The following PCDH11X variants were observed in gnomAD, a reference collection of about 807,000 sequenced individuals.
PCDH11X encodes the protein protocadherin 11 X-linked, also known as protocadherin-11 X-linked.
Under a neutral mutation model 53.3 loss-of-function variants are expected in PCDH11X, and 18 were observed. The ratio of observed to expected loss-of-function variants is 0.34; its 90% confidence interval spans 0.23 to 0.50. PCDH11X has a LOEUF of 0.50. Among genes scored for constraint, PCDH11X ranks in the 20% least tolerant of loss-of-function variants. The pLI is 0.98. For missense variants in PCDH11X, 570 were observed against 1,032.4 expected (o/e 0.55, Z 6.14); for synonymous variants, 279 against 393.3 (o/e 0.71, Z 3.44).
chrX:92,586,848 A>G (rs2148793190), intron 10 of PCDH11X, among the ~76,000 whole-genome samples: 1 of 111,677 alleles, frequency 9.0e-6, no homozygotes, highest in Admixed American at 9.5e-5. Context: ...TTGATTGAAT[A>G]TTTCAAATAA....
At chrX:91,889,248 T>C (rs952764569) in intron 6 of PCDH11X, among the ~76,000 whole-genome samples, 1 of 111,800 alleles carries the variant, frequency 8.9e-6, no homozygotes, top group Non-Finnish European at 1.9e-5. Context: ...TTCAAAACTA[T>C]GAATTGAGTG....
intron 5 of PCDH11X, among the ~76,000 whole-genome samples, chrX:91,864,882 T>C (rs2147697914): frequency 9.0e-6 from 1 of 111,549 alleles, no homozygotes; most frequent in African/African-American, 3.3e-5. Flanking sequence ...TTTCAATCTC[T>C]TTGTTAAATT....
In PCDH11X at chrX:92,621,713, A is replaced by C. The variant is rs1928514964; in HGVS notation, c.*2773A>C. 8.9e-6 allele frequency: 1 copy of C among 111,815 alleles called. No homozygotes were observed. The highest frequency in any genetic ancestry group is 3.7e-4 in the South Asian group (1 of 2,701). The allele number at this position is 111,815 out of a possible 1,213,427, so 9.2% of individuals were successfully genotyped here. A position where few individuals can be genotyped will look rare whatever the true frequency, so the allele number is the denominator to read the frequency against. On this transcript the variant is annotated 3_prime_UTR_variant, in exon 11 of 11. Coordinates refer to ENST00000682573, the MANE Select transcript of PCDH11X (RefSeq NM_032968.5). ...AGACAGTGGTATAGGTTGACACAGC[A>C]CACAAGTGGCTATTGTGATGTATGA...
chrX:92,560,879 C>A (rs138304032), intron 10 of PCDH11X, among the ~76,000 whole-genome samples: 1 of 109,428 alleles, frequency 9.1e-6, no homozygotes, highest in East Asian at 2.9e-4. Flanking sequence ...AGAAAAGCGT[C>A]TTGGGCAAGA....
At chrX:91,799,994 C>A (rs1371209504) in intron 1 of PCDH11X, among the ~76,000 whole-genome samples, 3 of 112,360 alleles carry the variant, frequency 2.7e-5, no homozygotes, top group Admixed American at 1.9e-4. Flanking sequence ...GAGGCTGAGG[C>A]ACAAGAATCG....
At chrX:91,940,148 A>G (rs1452187886) in intron 6 of PCDH11X, among the ~76,000 whole-genome samples, 1 of 110,588 alleles carries the variant, frequency 9.0e-6, no homozygotes, top group Non-Finnish European at 1.9e-5. Context: ...ATCATTTAAA[A>G]GTATGCAGCA....
At chrX:92,389,280 T>A (rs1342165123) in intron 9 of PCDH11X, among the ~76,000 whole-genome samples, 41 of 111,291 alleles carry the variant, frequency 3.7e-4, no homozygotes, top group African/African-American at 1.3e-3. Flanking sequence ...AAATACATAG[T>A]TGTGATTATA....
intron 7 of PCDH11X, among the ~76,000 whole-genome samples, chrX:92,246,887 G>C (rs1351081049): frequency 8.9e-6 from 1 of 111,779 alleles, no homozygotes; most frequent in Non-Finnish European, 1.9e-5. Context: ...GGAATGGAGA[G>C]AAAGAGGATT....
chrX:92,499,041 C>T (rs1201371637), intron 10 of PCDH11X, among the ~76,000 whole-genome samples: 8 of 91,492 alleles, frequency 8.7e-5, no homozygotes, highest in African/African-American at 1.5e-4. Flanking sequence ...AAAAGAAATC[C>T]GCAGACAGTT....
At chrX:92,331,372 T>TTCCTCCTCCTCC (rs778767931) in intron 8 of PCDH11X, among the ~76,000 whole-genome samples, 12,003 of 83,102 alleles carry the variant, frequency 0.14, 1,307 homozygotes, top group East Asian at 0.54. Flanking sequence ...CCTCCTCCTT[T>TTCCTCCTCCTCC]TCCTCCTCCT....
chrX:92,307,158 G>T (rs1373753394), intron 8 of PCDH11X, among the ~76,000 whole-genome samples: 7 of 111,114 alleles, frequency 6.3e-5, no homozygotes, highest in Non-Finnish European at 1.3e-4. Flanking sequence ...AAAAGACACT[G>T]AGGAAAGAAA....
At chrX:91,989,621 G>A (rs1406799048) in intron 6 of PCDH11X, among the ~76,000 whole-genome samples, 2 of 108,532 alleles carry the variant, frequency 1.8e-5, no homozygotes, top group African/African-American at 6.7e-5. Flanking sequence ...AATACAGAAT[G>A]TAAATTTAAG....
chrX:92,500,551 G>A (rs891790210), intron 10 of PCDH11X, among the ~76,000 whole-genome samples: 2 of 111,300 alleles, frequency 1.8e-5, no homozygotes, highest in African/African-American at 6.5e-5. Flanking sequence ...GAAGATTTAA[G>A]CAGAAAATTG....
intron 7 of PCDH11X, among the ~76,000 whole-genome samples, chrX:92,220,368 C>T (rs1367489859): frequency 1.1e-5 from 1 of 94,567 alleles, no homozygotes; most frequent in Non-Finnish European, 2.1e-5. Context: ...AACAAACAAC[C>T]CCATCAAAAA....
intron 6 of PCDH11X, among the ~76,000 whole-genome samples, chrX:92,074,482 G>C (rs528479464): frequency 2.7e-5 from 3 of 111,754 alleles, no homozygotes; most frequent in South Asian, 3.7e-4. Flanking sequence ...CATTCATCTA[G>C]TTTTAAAAAC....
At chrX:92,398,411 T>C (rs1428799413) in intron 9 of PCDH11X, among the ~76,000 whole-genome samples, 1 of 111,731 alleles carries the variant, frequency 9.0e-6, no homozygotes, top group Non-Finnish European at 1.9e-5. Flanking sequence ...AGAGCTGCTT[T>C]AGCAATACTA....
At chrX:92,025,789 G>T (rs1395412919) in intron 6 of PCDH11X, among the ~76,000 whole-genome samples, 1 of 110,266 alleles carries the variant, frequency 9.1e-6, no homozygotes, top group African/African-American at 3.3e-5. Flanking sequence ...CAATAGCAAA[G>T]ACATGGAACC....
At chrX:92,186,048 G>A (rs1453674609) in intron 6 of PCDH11X, among the ~76,000 whole-genome samples, 3 of 111,656 alleles carry the variant, frequency 2.7e-5, no homozygotes, top group African/African-American at 9.8e-5. Context: ...TTGAAGAGAT[G>A]TCTGAACCTC....
At position 92,403,995 on chromosome X, in the gene PCDH11X, G is replaced by A. The variant is rs771064518; in HGVS notation, c.3343+16062G>A. On this transcript the variant is annotated intron_variant, in intron 9 of 10. Transcript: ENST00000682573. ...TGATAGCGGCAGAATATAAGAAGACGTCACTGAAGTTCCACTGTTTAATAT... is the reference window on the plus strand; with the variant it reads ...TGATAGCGGCAGAATATAAGAAGACATCACTGAAGTTCCACTGTTTAATAT... 1.0e-4 allele frequency among the ~76,000 whole-genome samples: 11 copies of A among 109,746 alleles called. No individual in the cohort carries two copies. The South Asian group carries it at 2.4e-3, about 24-fold the overall frequency.
Sources: allele counts gnomAD v4.1 joint callset (sites outside exome capture counted in the v4.1 genomes callset), GRCh38; gene constraint gnomAD v4.1.1; transcripts MANE v1.5; gene names NCBI Gene and HGNC (gene_info 2026-07-23, HGNC 2026-07-21).